The following FAM83C variants were observed in gnomAD, a reference collection of about 807,000 sequenced individuals.
FAM83C encodes the protein scaffolding CK1 anchoring protein C, also known as protein FAM83C.
A neutral mutation model predicts 27.1 loss-of-function variants in FAM83C; 23 were observed. That is an observed-to-expected ratio of 0.85 (90% CI 0.61 to 1.20). The LOEUF (loss-of-function observed/expected upper bound fraction) is 1.20, where lower values mean the gene tolerates loss of function less well. Ranked by LOEUF, FAM83C falls within the 50% of genes most tolerant of loss-of-function variation. FAM83C has a pLI of 0.00. For synonymous variants in FAM83C, 426 were observed against 423.1 expected (o/e 1.01, Z -0.09); for missense variants, 984 against 1,001.3 (o/e 0.98, Z 0.23).
chr20:35,287,620 C>CA lies in FAM83C; in HGVS notation c.1158dup (p.Glu387Ter). 1 of 1,614,038 alleles carries CA rather than the reference C, an allele frequency of 6.2e-7. No individual in the cohort carries two copies. The highest frequency in any genetic ancestry group is 8.5e-7 in the Non-Finnish European group (1 of 1,179,954). ...TGTAGGGAGGGCTGGCCACTGGCCT[C>CA]ACGGCGGGCAGGACCCAGGGACGAG... On this transcript the variant is annotated frameshift_variant, in exon 4 of 4. Transcript: ENST00000374408. LOFTEE classifies it low-confidence loss of function (END_TRUNC).
chr20:35,286,759 T>G lies in FAM83C; in HGVS notation c.2020A>C (p.Thr674Pro), dbSNP rs1169867254. 2 of 1,614,034 alleles carry G rather than the reference T, an allele frequency of 1.2e-6. No homozygotes were observed. Among genetic ancestry groups the G allele is most frequent in the Non-Finnish European group, 1.7e-6 (2 of 1,180,004 alleles). ...AGGTCCAGCTTGCTGTGGCCCAGGG[T>G]TAGCCGTTTCTCATCCCCAGACCCA... ...GAGSGDEKRL[T>P]LGHSKLDLIT... Residue 674 changes from threonine (T) to proline (P), a missense_variant, in exon 4 of 4, where the codon ACC becomes CCC. Thr to Pro is a conservative substitution (Grantham distance 38). Transcript: ENST00000374408.
At position 35,292,025 on chromosome 20, in the gene FAM83C, C is replaced by A; in HGVS notation, c.280G>T (p.Ala94Ser). The change falls in exon 1 of 4, where the codon GCT (alanine) becomes TCT (serine). Residue 94 changes from alanine (A) to serine (S), a missense_variant. By Grantham distance (99) the Ala-to-Ser change is moderately conservative. Coordinates refer to ENST00000374408, the MANE Select transcript of FAM83C (RefSeq NM_178468.6). Reference protein sequence around the residue: ...HVRGGPELSEAQGQEASGPDR... With the variant: ...HVRGGPELSESQGQEASGPDR... ...GGCCCGGAGGCCTCCTGCCCCTGAG[C>A]CTCGCTGAGCTCAGGGCCCCCGCGC... 2 of 1,613,494 alleles carry A rather than the reference C, an allele frequency of 1.2e-6. No individual in the cohort carries two copies. Among genetic ancestry groups the A allele is most frequent in the Non-Finnish European group, 1.7e-6 (2 of 1,179,972 alleles).
rs2060833958 is a variant in FAM83C at position 35,287,815 on chromosome 20, GT to G, written c.963del (p.Leu322CysfsTer8). The part of the protein sequence containing the change: ...CGGEDPLSPR[A>X]LRPPPVALAF... ...GCTAGGGCCACAGGGGGAGGACGCA[GT>G]GCCCGGGGAGACAGCGGGTCCTCAC... On this transcript the variant is annotated frameshift_variant, in exon 4 of 4. Coordinates refer to ENST00000374408, the MANE Select transcript of FAM83C (RefSeq NM_178468.6). LOFTEE classifies it low-confidence loss of function (END_TRUNC). The G allele has an allele frequency of 6.3e-7, 1 of 1,587,210 alleles. No individual in the cohort carries two copies. Among genetic ancestry groups the G allele is most frequent in the East Asian group, 2.3e-5 (1 of 43,434 alleles).
At chr20:35,288,314 C>T (rs1407653109) in intron 3 of FAM83C, 147 bp downstream of exon 3, 4 of 1,421,984 alleles carry the variant, frequency 2.8e-6, no homozygotes, top group Non-Finnish European at 1.9e-6. Flanking sequence ...CCGATGCCCC[C>T]GACACCCTCC....
rs766078703 is a variant in FAM83C at position 35,286,983 on chromosome 20, T to C, written c.1796A>G (p.Gln599Arg). The C allele has an allele frequency of 2.5e-6, 4 of 1,612,226 alleles. No individual in the cohort carries two copies. In the Admixed American group the frequency reaches 5.0e-5, roughly 20 times the overall value. ...TCTGGAACCCTGGGCCTTGGGGTAC[T>C]GCATCAGGAGGTCTGATTGGCCACG... ...QSRGQSDLLM[Q>R]YPKAQGSRVP... Residue 599 changes from glutamine to arginine, a missense_variant, in exon 4 of 4, where the codon CAG (glutamine) becomes CGG (arginine). Physicochemically the swap from Gln to Arg is conservative, Grantham distance 43. Coordinates refer to ENST00000374408, the MANE Select transcript of FAM83C (RefSeq NM_178468.6).
chr20:35,287,366 T>C lies in FAM83C; in HGVS notation c.1413A>G (p.Pro471=). 6.2e-7 allele frequency: 1 copy of C among 1,613,900 alleles called. No homozygotes were observed. The highest frequency in any genetic ancestry group is 8.5e-7 in the Non-Finnish European group (1 of 1,179,934). Reference sequence around the variant, plus strand: ...GCAGGGGGCTGGGCTCTTGGCTTCCTGGGAGCCCATTCTCTGGGAACCGGG... The same window carrying C: ...GCAGGGGGCTGGGCTCTTGGCTTCCCGGGAGCCCATTCTCTGGGAACCGGG... ...ALSRFPENGL[P]GSQEPSPLRG... is the part of the protein sequence containing the mutation. Residue 471 remains proline, a synonymous_variant, in exon 4 of 4, where the codon CCA becomes CCG. Coordinates refer to ENST00000374408, the MANE Select transcript of FAM83C (RefSeq NM_178468.6).
Position 35,288,699 on chromosome 20 carries a change from G to GC in FAM83C, c.681+91dup, listed in dbSNP as rs1465995955. ...AGGGAACCCACCCCCCACTCCCAGT[G>GC]CCCCCCAGTGCTGACTGGCCACCCA... On this transcript the variant is annotated intron_variant, in intron 2 of 3. Coordinates refer to ENST00000374408, the MANE Select transcript of FAM83C (RefSeq NM_178468.6). 7 of 1,538,412 alleles carry GC rather than the reference G, an allele frequency of 4.6e-6. No individual in the cohort carries two copies. In the East Asian group the frequency reaches 1.2e-4, roughly 25 times the overall value.
rs527745790 is a variant in FAM83C, at chr20:35,285,857, C to T, written c.*678G>A. 104 of 156,188 alleles carry T rather than the reference C, an allele frequency of 6.7e-4. No individual in the cohort carries two copies. Among genetic ancestry groups the T allele is most frequent in the Non-Finnish European group, 1.2e-3 (84 of 70,702 alleles). The allele number at this position is 156,188 out of a possible 1,614,324, so 9.7% of individuals were successfully genotyped here. On this transcript the variant is annotated 3_prime_UTR_variant, in exon 4 of 4. Coordinates refer to ENST00000374408, the MANE Select transcript of FAM83C (RefSeq NM_178468.6). ...CAAGAGACACTCAGCAAGATGATGA[C>T]GACGACAATGATGATGATGATGATG...
intron 1 of FAM83C, among the ~76,000 whole-genome samples, chr20:35,289,346 CTT>C (rs923344356): frequency 7.0e-6 from 1 of 142,166 alleles, no homozygotes; most frequent in Admixed American, 7.0e-5. Flanking sequence ...ATTTTCTTTT[CTT>C]TTTTTTTTTT....
chr20:35,288,646 C>A, intron 2 of FAM83C, 61 bp from the exon 3 acceptor site: 1 of 1,597,532 alleles, frequency 6.3e-7, no homozygotes, highest in East Asian at 2.2e-5. Flanking sequence ...TGTCTCTGCC[C>A]CATGGGGTCT....
rs1380036294 is a variant in FAM83C, at chr20:35,286,837, C to T, written c.1942G>A (p.Gly648Arg). The T allele has an allele frequency of 1.9e-6, 3 of 1,613,678 alleles. No individual in the cohort carries two copies. The highest frequency in any genetic ancestry group is 2.5e-6 in the Non-Finnish European group (3 of 1,179,880). The change falls in exon 4 of 4, where the codon GGG becomes AGG. Residue 648 changes from glycine to arginine, a missense_variant. Physicochemically the swap from Gly to Arg is moderately radical, Grantham distance 125 (BLOSUM62 -2). Transcript: ENST00000374408. ...ITKFGPFRGEGPGPNGLPISS... is the reference protein window; with the variant it reads ...ITKFGPFRGERPGPNGLPISS... Reference sequence around the variant, plus strand: ...ATCGGGAGACCATTGGGCCCAGGCCCCTCACCACGGAATGGGCCGAACTTT... The same window carrying T: ...ATCGGGAGACCATTGGGCCCAGGCCTCTCACCACGGAATGGGCCGAACTTT...
Position 35,292,087 on chromosome 20 carries a change from A to T in FAM83C, c.218T>A (p.Leu73Gln), listed in dbSNP as rs1195522414. Residue 73 changes from leucine to glutamine, a missense_variant, in exon 1 of 4, where the codon CTG becomes CAG. Transcript: ENST00000374408. ...CATGTAGTCCACATCCAGGGCGCTC[A>T]GGAAGGGCAGCTCCCGCTCCTCGGA... ...VISEERELPF[L>Q]SALDVDYMTS... 6.2e-7 allele frequency: 1 copy of T among 1,608,726 alleles called. No homozygotes were observed. The highest frequency in any genetic ancestry group is 1.7e-5 in the Admixed American group (1 of 60,016).
At position 35,286,523 on chromosome 20, in the gene FAM83C, C is replaced by T; in HGVS notation, c.*12G>A. On this transcript the variant is annotated 3_prime_UTR_variant, in exon 4 of 4. Transcript: ENST00000374408. ...TGCCCTTGCCAGTGCACCCCCGATG[C>T]CAGTCCTTTGGCTAGGACTCAAAGC... 1 of 1,593,006 alleles carries T rather than the reference C, an allele frequency of 6.3e-7. No homozygotes were observed. The highest frequency in any genetic ancestry group is 8.6e-7 in the Non-Finnish European group (1 of 1,169,510).
In FAM83C at chr20:35,291,992, G is replaced by A. The variant is rs775626428; in HGVS notation, c.313C>T (p.Leu105Phe). 6.2e-7 allele frequency: 1 copy of A among 1,613,434 alleles called. No homozygotes were observed. The highest frequency in any genetic ancestry group is 1.1e-5 in the South Asian group (1 of 91,054). Residue 105 changes from leucine to phenylalanine, a missense_variant, in exon 1 of 4, where the codon CTC (leucine) becomes TTC (phenylalanine). By Grantham distance (22) the Leu-to-Phe change is conservative. Coordinates refer to ENST00000374408, the MANE Select transcript of FAM83C (RefSeq NM_178468.6). ...QGQEASGPDR[L>F]SLLSEVTSGT... Reference sequence around the variant, plus strand: ...GAGGTGACTTCAGAGAGCAGGCTGAGGCGGTCTGGCCCGGAGGCCTCCTGC... The same window carrying A: ...GAGGTGACTTCAGAGAGCAGGCTGAAGCGGTCTGGCCCGGAGGCCTCCTGC...
chr20:35,287,124 T>A lies in FAM83C; in HGVS notation c.1655A>T (p.Asp552Val). The A allele has an allele frequency of 6.2e-7, 1 of 1,603,534 alleles. No homozygotes were observed. The highest frequency in any genetic ancestry group is 8.5e-7 in the Non-Finnish European group (1 of 1,178,264). Reference sequence around the variant, plus strand: ...TCGGGACAGGAGATCCAGCTGGCTGTCGGCCTGGCTTGGGGACAACCTCCT... The same window carrying A: ...TCGGGACAGGAGATCCAGCTGGCTGACGGCCTGGCTTGGGGACAACCTCCT... ...EDRRLSPSQA[D>V]SQLDLLSRAL... Residue 552 changes from aspartate to valine, a missense_variant, in exon 4 of 4, where the codon GAC becomes GTC. By Grantham distance (152) the Asp-to-Val change is radical (BLOSUM62 -3). Coordinates refer to ENST00000374408, the MANE Select transcript of FAM83C (RefSeq NM_178468.6).
In FAM83C at chr20:35,287,374, C is replaced by T. The variant is rs1339499763; in HGVS notation, c.1405G>A (p.Gly469Arg). The T allele has an allele frequency of 1.2e-6, 2 of 1,613,952 alleles. No homozygotes were observed. The highest frequency in any genetic ancestry group is 3.3e-5 in the Admixed American group (2 of 60,028). ...CTGGGCTCTTGGCTTCCTGGGAGCC[C>T]ATTCTCTGGGAACCGGGACAGAGCT... ...APALSRFPEN[G>R]LPGSQEPSPL... is the part of the protein sequence containing the mutation. Residue 469 changes from glycine (G) to arginine (R), a missense_variant, in exon 4 of 4, where the codon GGG becomes AGG. Gly to Arg is a moderately radical substitution (Grantham distance 125, BLOSUM62 -2). Transcript: ENST00000374408.
chr20:35,288,054 C>T lies in FAM83C; in HGVS notation c.807-82G>A. 3 of 1,230,816 alleles carry T rather than the reference C, an allele frequency of 2.4e-6. No homozygotes were observed. In the South Asian group the frequency reaches 4.4e-5, roughly 18 times the overall value. The allele number at this position is 1,230,816 out of a possible 1,614,324, so 76.2% of individuals were successfully genotyped here. On this transcript the variant is annotated intron_variant, in intron 3 of 3. Transcript: ENST00000374408. Reference sequence around the variant, plus strand: ...CAGGAGTCACAGCCAGGGGTGCATACCTGGTCCAGCACGCTAGACCCAAAC... The same window carrying T: ...CAGGAGTCACAGCCAGGGGTGCATATCTGGTCCAGCACGCTAGACCCAAAC...
At chr20:35,288,300 A>T (rs966497068) in intron 3 of FAM83C, among the ~76,000 whole-genome samples, 161 bp downstream of exon 3, 2 of 152,176 alleles carry the variant, frequency 1.3e-5, no homozygotes, top group Non-Finnish European at 2.9e-5. Flanking sequence ...GAGCTCCTCC[A>T]GGGCCGATGC....
Position 35,286,556 on chromosome 20 carries a change from G to A in FAM83C, c.2223C>T (p.Leu741=). 6.2e-7 allele frequency: 1 copy of A among 1,612,986 alleles called. No individual in the cohort carries two copies. The highest frequency in any genetic ancestry group is 8.5e-7 in the Non-Finnish European group (1 of 1,179,302). Residue 741 remains leucine (L), a synonymous_variant, in exon 4 of 4, where the codon CTC becomes CTT. Coordinates refer to ENST00000374408, the MANE Select transcript of FAM83C (RefSeq NM_178468.6). ...TTGGCTAGGACTCAAAGCGGCTTCG[G>A]AGCTGCTTGAACTTGGACTTGTTGT... ...TKYNKSKFKQ[L]RSRFES is the part of the protein sequence containing the mutation.
Sources: gnomAD v4.1 joint callset for allele counts (sites outside exome capture counted in the v4.1 genomes callset) on GRCh38, gnomAD v4.1.1 for gene constraint, MANE v1.5 for transcripts, NCBI Gene and HGNC (gene_info 2026-07-23, HGNC 2026-07-21) for gene names.